Variants in CNTN3 observed in about 807,000 individuals in gnomAD.
CNTN3 encodes contactin-3.
In CNTN3, 60 loss-of-function variants were observed where a neutral mutation model predicts 119.1. The observed-to-expected ratio is 0.50, with a 90% confidence interval of 0.41 to 0.62. The LOEUF is 0.62. Among genes scored for constraint, CNTN3 ranks in the 20% least tolerant of loss-of-function variants. The probability of loss-of-function intolerance (pLI) is 0.00; values close to 1 mark genes in which losing one functional copy is unlikely to be tolerated. For synonymous variants in CNTN3, 450 were observed against 438.7 expected, an observed-to-expected ratio of 1.03 and a Z score of -0.32; for missense variants, 1,101 against 1,242.4, an observed-to-expected ratio of 0.89 and a Z score of 1.71.
intron 5 of CNTN3, among the ~76,000 whole-genome samples, chr3:74,415,816 G>A (rs1168591129): frequency 2.0e-5 from 3 of 152,168 alleles, no homozygotes; most frequent in Admixed American, 6.5e-5. Context: ...TTTCTTGGCT[G>A]CCTAATCTAC....
chr3:74,479,312 G>A (rs1400904554), intron 4 of CNTN3, among the ~76,000 whole-genome samples: 3 of 152,032 alleles, frequency 2.0e-5, no homozygotes, highest in Non-Finnish European at 4.4e-5. Flanking sequence ...TTAGGTTGGT[G>A]CAAAAGTAAC....
At chr3:74,415,363 G>A (rs1314030499) in intron 5 of CNTN3, among the ~76,000 whole-genome samples, 1 of 152,134 alleles carries the variant, frequency 6.6e-6, no homozygotes, top group African/African-American at 2.4e-5. Flanking sequence ...CCAGTTTCTC[G>A]AAGTTGTTTC....
At chr3:74,442,330 T>TC (rs1701981666) in intron 4 of CNTN3, among the ~76,000 whole-genome samples, 1 of 152,140 alleles carries the variant, frequency 6.6e-6, no homozygotes, top group Non-Finnish European at 1.5e-5. Flanking sequence ...ACATGTCAGC[T>TC]CTGCTTGCAT....
At chr3:74,603,085 C>T (rs1459278889) in intron 1 of CNTN3, among the ~76,000 whole-genome samples, 1 of 152,116 alleles carries the variant, frequency 6.6e-6, no homozygotes, top group Non-Finnish European at 1.5e-5. Flanking sequence ...CTCTTGGCTA[C>T]CTCTCTTGAT....
At chr3:74,315,494 C>A (rs663986) in intron 13 of CNTN3, among the ~76,000 whole-genome samples, 11,250 of 152,152 alleles carry the variant, frequency 0.074, 480 homozygotes, top group East Asian at 0.14. Context: ...ACACATTTTT[C>A]TCAAGCTCAT....
intron 5 of CNTN3, among the ~76,000 whole-genome samples, chr3:74,407,388 C>A (rs1191872868): frequency 6.6e-6 from 1 of 150,836 alleles, no homozygotes; most frequent in Non-Finnish European, 1.5e-5. Flanking sequence ...CCTGCCTCAG[C>A]CTCTGAAGTA....
At chr3:74,567,984 C>A (rs1190531848) in intron 1 of CNTN3, among the ~76,000 whole-genome samples, 1 of 152,094 alleles carries the variant, frequency 6.6e-6, no homozygotes, top group East Asian at 1.9e-4. Context: ...TAATTGAGGC[C>A]CTCTGGGTGA....
intron 1 of CNTN3, among the ~76,000 whole-genome samples, chr3:74,589,561 G>C (rs1288329915): frequency 2.8e-5 from 4 of 141,782 alleles, no homozygotes; most frequent in Non-Finnish European, 6.1e-5. Flanking sequence ...ATTCCTCAGG[G>C]ATCTAGAACT....
chr3:74,267,248 G>T lies in CNTN3; in HGVS notation c.2817+18C>A. 6.5e-7 allele frequency: 1 copy of T among 1,544,694 alleles called. No individual in the cohort carries two copies. The highest frequency in any genetic ancestry group is 8.9e-7 in the Non-Finnish European group (1 of 1,118,568). On this transcript the variant is annotated intron_variant, in intron 21 of 22. Transcript: ENST00000263665. ...GCCAAAATTACGAAAATGAAGCATTGCAAATGAGAAAACTTACTTTATATC... is the reference window on the plus strand; with the variant it reads ...GCCAAAATTACGAAAATGAAGCATTTCAAATGAGAAAACTTACTTTATATC...
At chr3:74,604,137 C>G (rs1322538650) in intron 1 of CNTN3, among the ~76,000 whole-genome samples, 1 of 152,132 alleles carries the variant, frequency 6.6e-6, no homozygotes, top group Admixed American at 6.5e-5. Context: ...AAACCTTTAT[C>G]TCACACCATT....
chr3:74,337,501 G>T (rs976702426), intron 11 of CNTN3, among the ~76,000 whole-genome samples: 1 of 152,070 alleles, frequency 6.6e-6, no homozygotes, highest in Non-Finnish European at 1.5e-5. Context: ...AGTTCCACGT[G>T]GCTGGGGAGG....
chr3:74,580,324 T>A (rs192272568), intron 1 of CNTN3, among the ~76,000 whole-genome samples: 1 of 152,208 alleles, frequency 6.6e-6, no homozygotes, highest in East Asian at 1.9e-4. Context: ...AAAATATCAA[T>A]CTTACAAAAT....
At chr3:74,404,991 AAAAG>A (rs1434057779) in intron 5 of CNTN3, among the ~76,000 whole-genome samples, 3 of 152,004 alleles carry the variant, frequency 2.0e-5, no homozygotes, top group African/African-American at 7.2e-5. Context: ...GACCAAAATG[AAAAG>A]AAAGAAGAAA....
At chr3:74,297,026 AG>A (rs1702352270) in intron 18 of CNTN3, among the ~76,000 whole-genome samples, 1 of 152,168 alleles carries the variant, frequency 6.6e-6, no homozygotes. Flanking sequence ...TATAAAAGAA[AG>A]GCAAAGAAAC....
intron 5 of CNTN3, among the ~76,000 whole-genome samples, chr3:74,374,865 A>C (rs1208686726): frequency 6.6e-6 from 1 of 152,186 alleles, no homozygotes; most frequent in Admixed American, 6.5e-5. Context: ...GGTCTATCTC[A>C]GAGTGGTATA....
chr3:74,517,926 G>A (rs1307175758), intron 2 of CNTN3, among the ~76,000 whole-genome samples: 1 of 151,792 alleles, frequency 6.6e-6, no homozygotes, highest in African/African-American at 2.4e-5. Context: ...TCCTACTCAG[G>A]GGTATTTAAA....
intron 18 of CNTN3, 151 bp from the exon 19 acceptor site, chr3:74,295,387 T>A (rs1199361413): frequency 1.3e-5 from 7 of 527,676 alleles, no homozygotes; most frequent in Non-Finnish European, 2.4e-5. Context: ...GAGACACTGG[T>A]CCATTTCCGT....
In CNTN3 at chr3:74,424,944, A is replaced by G. The variant is rs201991652; in HGVS notation, c.359-4T>C. On this transcript the variant is annotated splice_polypyrimidine_tract_variant and splice_region_variant and intron_variant, in intron 4 of 22. Coordinates refer to ENST00000263665, the MANE Select transcript of CNTN3 (RefSeq NM_020872.3). ...TTGGTTTTAAAATTTTCAAGATCTG[A>G]TTTGAAAACAAAACAAAACTGAATT... 4.4e-6 allele frequency: 7 copies of G among 1,574,022 alleles called. No individual in the cohort carries two copies. The highest frequency in any genetic ancestry group is 5.2e-6 in the Non-Finnish European group (6 of 1,157,756).
At chr3:74,408,148 G>A (rs1447364679) in intron 5 of CNTN3, among the ~76,000 whole-genome samples, 4 of 152,124 alleles carry the variant, frequency 2.6e-5, no homozygotes, top group Non-Finnish European at 5.9e-5. Flanking sequence ...ACTGTGGGAC[G>A]GTGCAAACTT....
Sources: allele counts gnomAD v4.1 joint callset (sites outside exome capture counted in the v4.1 genomes callset), GRCh38; gene constraint gnomAD v4.1.1; transcripts MANE v1.5; gene names NCBI Gene and HGNC (gene_info 2026-07-23, HGNC 2026-07-21).